HOMER2: variants seen among roughly 807,000 people sequenced by gnomAD.
The protein encoded by HOMER2 is homer protein homolog 2.
HOMER2 carries 27 observed loss-of-function variants against 47.0 expected under a neutral mutation model. That is an observed-to-expected ratio of 0.57 (90% CI 0.42 to 0.79). HOMER2 has a LOEUF of 0.79. HOMER2 is among the 30% of genes least tolerant of loss of function. HOMER2 has a pLI of 0.00. For synonymous variants in HOMER2, 161 were observed against 163.8 expected, an observed-to-expected ratio of 0.98 and a Z score of 0.13; for missense variants, 443 against 435.0, an observed-to-expected ratio of 1.02 and a Z score of -0.16.
At chr15:82,851,065 A>G in intron 8 of HOMER2, 86 bp downstream of exon 8, 1 of 897,414 alleles carries the variant, frequency 1.1e-6, no homozygotes. Flanking sequence ...TCTCAGTGTG[A>G]AAGTGATAGG....
chr15:82,860,671 TCA>T (rs201339137), intron 4 of HOMER2, among the ~76,000 whole-genome samples: 1,617 of 152,200 alleles, frequency 0.011, 8 homozygotes, highest in Non-Finnish European at 0.016. Flanking sequence ...GTGTGGTGGC[TCA>T]CACCTGTAAT....
rs2054088240 is a variant in HOMER2, at chr15:82,934,245, C to G, written c.5+18286G>C. The stretch of plus-strand genomic sequence containing the variant: ...AGCCACCTGTTCCCACCCACCTTCG[C>G]CTGCCTCCACGTTACTTTCTGCCAC... On this transcript the variant is annotated intron_variant, in intron 1 of 8. Coordinates refer to ENST00000450735, the MANE Select transcript of HOMER2 (RefSeq NM_004839.4). Among the ~76,000 whole-genome samples the G allele has an allele frequency of 2.0e-5, 3 of 152,144 alleles. No individual in the cohort carries two copies. The South Asian group carries it at 6.2e-4, about 31-fold the overall frequency.
chr15:82,948,420 G>C (rs994877568), intron 1 of HOMER2, among the ~76,000 whole-genome samples: 3 of 151,658 alleles, frequency 2.0e-5, no homozygotes, highest in Non-Finnish European at 1.5e-5. Context: ...AGAATTAGCT[G>C]GGTGTGATGG....
At position 82,849,860 on chromosome 15, in the gene HOMER2, G is replaced by A; in HGVS notation, c.887C>T (p.Ser296Phe). The change falls in exon 9 of 9, where the codon TCC (serine) becomes TTC (phenylalanine). Residue 296 changes from serine (S) to phenylalanine (F), a missense_variant. Ser to Phe is a radical substitution (Grantham distance 155). Transcript: ENST00000450735. ...GCTCTCCTCAATGTCTGTCTTTAAG[G>A]AACGCACTTTGTCTTCCAGGTTTTG... ...DNQNLEDKVR[S>F]LKTDIEESKY... The A allele has an allele frequency of 1.9e-6, 3 of 1,613,928 alleles. No individual in the cohort carries two copies. The highest frequency in any genetic ancestry group is 2.2e-5 in the South Asian group (2 of 91,050).
At chr15:82,984,210 A>T (rs1214919451) in intron 1 of HOMER2, among the ~76,000 whole-genome samples, 1 of 150,992 alleles carries the variant, frequency 6.6e-6, no homozygotes, top group Non-Finnish European at 1.5e-5. Flanking sequence ...TTTTATGTAT[A>T]CTTAGTAGAG....
intron 2 of HOMER2, among the ~76,000 whole-genome samples, chr15:82,888,519 TC>T: frequency 1.2e-4 from 1 of 8,686 alleles, no homozygotes. Flanking sequence ...CAGTTTGATC[TC>T]AGACTGCTGT....
At chr15:82,864,725 C>G (rs2051909269) in intron 3 of HOMER2, among the ~76,000 whole-genome samples, 1 of 152,128 alleles carries the variant, frequency 6.6e-6, no homozygotes, top group Admixed American at 6.5e-5. Flanking sequence ...ACTGTTAAAT[C>G]TAGGTAATGT....
At chr15:82,924,795 C>T (rs1461551793) in intron 1 of HOMER2, among the ~76,000 whole-genome samples, 1 of 152,174 alleles carries the variant, frequency 6.6e-6, no homozygotes, top group Non-Finnish European at 1.5e-5. Context: ...GGCATCTATA[C>T]TTTGTTTCAC....
At chr15:82,952,510 G>A in intron 1 of HOMER2, 21 bp downstream of exon 1, 1 of 1,188,844 alleles carries the variant, frequency 8.4e-7, no homozygotes, top group Non-Finnish European at 1.0e-6. Flanking sequence ...CGCGGAGAGC[G>A]CGCGGCGCGG....
intron 1 of HOMER2, among the ~76,000 whole-genome samples, chr15:82,939,464 C>T (rs1322440804): frequency 1.3e-5 from 2 of 152,022 alleles, no homozygotes; most frequent in African/African-American, 2.4e-5. Flanking sequence ...GCTAGAAGTT[C>T]GAGACCAGCC....
At chr15:82,907,814 A>G (rs577655427) in intron 1 of HOMER2, among the ~76,000 whole-genome samples, 1 of 152,354 alleles carries the variant, frequency 6.6e-6, no homozygotes, top group African/African-American at 2.4e-5. Context: ...CTAGAAATCA[A>G]TTAATAGGAG....
chr15:82,964,802 G>GA (rs2054658874), intron 1 of HOMER2, among the ~76,000 whole-genome samples: 1 of 152,062 alleles, frequency 6.6e-6, no homozygotes, highest in African/African-American at 2.4e-5. Context: ...CAAAATTTCT[G>GA]AAATAATCCC....
At chr15:82,895,440 C>A (rs532247064) in intron 1 of HOMER2, among the ~76,000 whole-genome samples, 12 of 152,322 alleles carry the variant, frequency 7.9e-5, no homozygotes, top group African/African-American at 2.9e-4. Flanking sequence ...GTGATATAAT[C>A]CAGTCTGCAG....
chr15:82,882,728 T>C (rs1476542357), intron 2 of HOMER2, among the ~76,000 whole-genome samples: 1 of 152,200 alleles, frequency 6.6e-6, no homozygotes, highest in African/African-American at 2.4e-5. Flanking sequence ...GAGCTGGCTG[T>C]GCCTGGCATG....
chr15:82,855,506 T>C (rs1041914107), intron 5 of HOMER2, among the ~76,000 whole-genome samples: 6 of 152,122 alleles, frequency 3.9e-5, no homozygotes, highest in Non-Finnish European at 4.4e-5. Context: ...ATGAAAGCCA[T>C]GGACGGACCT....
intron 1 of HOMER2, among the ~76,000 whole-genome samples, chr15:82,944,604 G>A (rs2054332945): frequency 6.6e-6 from 1 of 151,848 alleles, no homozygotes; most frequent in Non-Finnish European, 1.5e-5. Flanking sequence ...TGACAAAGGT[G>A]AAGAAGGTTT....
chr15:82,960,542 T>C (rs572384164), intron 1 of HOMER2, among the ~76,000 whole-genome samples: 2 of 152,194 alleles, frequency 1.3e-5, no homozygotes, highest in African/African-American at 2.4e-5. Flanking sequence ...TTCACTGAAT[T>C]AAATATCAAC....
At chr15:82,863,921 T>A (rs985255062) in intron 4 of HOMER2, among the ~76,000 whole-genome samples, 8 of 152,298 alleles carry the variant, frequency 5.3e-5, no homozygotes, top group African/African-American at 1.9e-4. Flanking sequence ...CCACAGAATG[T>A]CTCTCCTGGG....
At chr15:82,940,880 A>G (rs1191759257) in intron 1 of HOMER2, among the ~76,000 whole-genome samples, 1 of 151,752 alleles carries the variant, frequency 6.6e-6, no homozygotes, top group Non-Finnish European at 1.5e-5. Flanking sequence ...TGAGTGACAG[A>G]GCAAGACCCT....
Sources: allele counts gnomAD v4.1 joint callset (sites outside exome capture counted in the v4.1 genomes callset), GRCh38; gene constraint gnomAD v4.1.1; transcripts MANE v1.5; gene names NCBI Gene and HGNC (gene_info 2026-07-23, HGNC 2026-07-21).